CYB5RL: variants seen among roughly 807,000 people sequenced by gnomAD.
CYB5RL encodes the protein cytochrome b5 reductase like.
In CYB5RL, 38 loss-of-function variants were observed where a neutral mutation model predicts 37.5. The observed-to-expected ratio is 1.01, with a 90% CI of 0.78 to 1.33. The LOEUF (loss-of-function observed/expected upper bound fraction) is 1.33, where lower values mean the gene tolerates loss of function less well. Ranked by LOEUF, CYB5RL falls within the 40% of genes most tolerant of loss-of-function variation. The probability of loss-of-function intolerance (pLI) is 0.00; values close to 1 mark genes in which losing one functional copy is unlikely to be tolerated. For missense variants in CYB5RL, 388 were observed against 394.4 expected, an observed-to-expected ratio of 0.98 and a Z score of 0.14; for synonymous variants, 141 against 151.9, an observed-to-expected ratio of 0.93 and a Z score of 0.53.
rs1306478307 is a variant in CYB5RL, at chr1:54,190,735, T to C, written c.347+13A>G. 4 of 1,551,820 alleles carry C rather than the reference T, an allele frequency of 2.6e-6. No individual in the cohort carries two copies. The Admixed American group carries it at 7.8e-5, about 30-fold the overall frequency. Reference sequence around the variant, plus strand: ...GGCTGTGAAGCTTTGGTCCTCCCGCTACCTGAGTGTACCGTAGGATGAGGT... The same window carrying C: ...GGCTGTGAAGCTTTGGTCCTCCCGCCACCTGAGTGTACCGTAGGATGAGGT... On this transcript the variant is annotated intron_variant, in intron 4 of 7. Coordinates refer to ENST00000534324, the MANE Select transcript of CYB5RL (RefSeq NM_001031672.4).
At chr1:54,192,760 C>CA (rs1557724980) in intron 3 of CYB5RL, among the ~76,000 whole-genome samples, 1 of 142,896 alleles carries the variant, frequency 7.0e-6, no homozygotes, top group African/African-American at 2.6e-5. Flanking sequence ...CCCTGTGTTT[C>CA]TTTTTTTTTT....
At chr1:54,198,481 C>T (rs973759004) in intron 1 of CYB5RL, among the ~76,000 whole-genome samples, 5 of 151,566 alleles carry the variant, frequency 3.3e-5, no homozygotes, top group African/African-American at 7.3e-5. Context: ...TACAGGCGCC[C>T]GCCACCACGC....
chr1:54,190,970 A>C, intron 3 of CYB5RL, 74 bp from the exon 4 acceptor site: 1 of 1,539,724 alleles, frequency 6.5e-7, no homozygotes, highest in Non-Finnish European at 8.8e-7. Context: ...CATCCTTCCC[A>C]CTGTCCCCAA....
At position 54,174,621 on chromosome 1, in the gene CYB5RL, A is replaced by G; in HGVS notation, c.946T>C (p.Ter316GlnextTer40). The G allele has an allele frequency of 6.2e-7, 1 of 1,606,658 alleles. No individual in the cohort carries two copies. The highest frequency in any genetic ancestry group is 8.5e-7 in the Non-Finnish European group (1 of 1,176,910). The change falls in exon 8 of 8, where the codon TAG becomes CAG. Residue 316 changes from the stop codon to glutamine, a stop_lost. Transcript: ENST00000534324. ...GLTEDSYFLF[*>Q] is the part of the protein sequence containing the mutation. Reference sequence around the variant, plus strand: ...AGGCTTTGGAAGAGAGGCCAGGGCTAGAAGAGGAAATAGGAGTCCTCAGTG... The same window carrying G: ...AGGCTTTGGAAGAGAGGCCAGGGCTGGAAGAGGAAATAGGAGTCCTCAGTG...
At chr1:54,198,027 C>CA (rs575486117) in intron 1 of CYB5RL, among the ~76,000 whole-genome samples, 1,915 of 78,272 alleles carry the variant, frequency 0.024, 216 homozygotes, top group African/African-American at 0.03. Context: ...GACTCTGTCT[C>CA]AAAAAAAAAA....
chr1:54,179,257 A>T lies in CYB5RL; in HGVS notation c.636T>A (p.Phe212Leu). ...TCTTGAAGCAACCGACCAGAGTGACAAAAGTCTCGTCATTCTCATTGTCTG... is the reference window on the plus strand; with the variant it reads ...TCTTGAAGCAACCGACCAGAGTGACTAAAGTCTCGTCATTCTCATTGTCTG... ...SITDNENDET[F>L]VTLVGCFKTF... is the part of the protein sequence containing the mutation. The change falls in exon 7 of 8, where the codon TTT becomes TTA. Residue 212 changes from phenylalanine (F) to leucine (L), a missense_variant. By Grantham distance (22) the Phe-to-Leu change is conservative. Coordinates refer to ENST00000534324, the MANE Select transcript of CYB5RL (RefSeq NM_001031672.4). 1 of 1,613,870 alleles carries T rather than the reference A, an allele frequency of 6.2e-7. No homozygotes were observed. The highest frequency in any genetic ancestry group is 2.2e-5 in the East Asian group (1 of 44,872).
rs935714783 is a variant in CYB5RL, at chr1:54,179,147, A to T, written c.744+2T>A. On this transcript the variant is annotated splice_donor_variant, in intron 7 of 7. Transcript: ENST00000534324. LOFTEE classifies it high-confidence loss of function. ...AAAAGAAAGTCACCACCCTGGGCTCACCTGGCTGAGTACAAAGAAGGTACG... is the reference window on the plus strand; with the variant it reads ...AAAAGAAAGTCACCACCCTGGGCTCTCCTGGCTGAGTACAAAGAAGGTACG... 3 of 1,611,444 alleles carry T rather than the reference A, an allele frequency of 1.9e-6. No homozygotes were observed. In the African/African-American group the frequency reaches 4.0e-5, roughly 22 times the overall value.
rs149566305 is a variant in CYB5RL at position 54,197,905 on chromosome 1, G to A, written c.-222-1414C>T. 3.4e-3 allele frequency among the ~76,000 whole-genome samples: 517 copies of A among 151,752 alleles called. 5 individuals carry two copies. The highest frequency in any genetic ancestry group is 0.012 in the African/African-American group (478 of 41,350). ...TAGCCGGGCATGGTGGTGGGCACCC[G>A]TAGTCCCAGCTACTCGGGAGGCTGA... On this transcript the variant is annotated intron_variant, in intron 1 of 7. Coordinates refer to ENST00000534324, the MANE Select transcript of CYB5RL (RefSeq NM_001031672.4).
chr1:54,192,012 A>G (rs962494624), intron 3 of CYB5RL, among the ~76,000 whole-genome samples: 1 of 152,192 alleles, frequency 6.6e-6, no homozygotes, highest in African/African-American at 2.4e-5. Context: ...TAGGGTTACC[A>G]TGAGGGTCAG....
intron 6 of CYB5RL, 103 bp downstream of exon 6, chr1:54,184,058 G>A (rs1660232153): frequency 1.1e-6 from 1 of 901,402 alleles, no homozygotes; most frequent in Admixed American, 2.2e-5. Context: ...ACCTGGGATT[G>A]TGTTTGAGCT....
Position 54,171,709 on chromosome 1 carries a change from C to A in CYB5RL, c.*2910G>T, listed in dbSNP as rs1396233539. The A allele has an allele frequency of 8.9e-6, 3 of 335,386 alleles. No individual in the cohort carries two copies. The highest frequency in any genetic ancestry group is 1.8e-5 in the Non-Finnish European group (3 of 169,148). 20.8% of individuals were successfully genotyped at this position (335,386 alleles called of 1,614,324 possible). On this transcript the variant is annotated 3_prime_UTR_variant, in exon 8 of 8. Coordinates refer to ENST00000534324, the MANE Select transcript of CYB5RL (RefSeq NM_001031672.4). ...AGTCTCCCTTCTCCTACTACAACATCACACGGTGGCCACGCCTCCCACAAC... is the reference window on the plus strand; with the variant it reads ...AGTCTCCCTTCTCCTACTACAACATAACACGGTGGCCACGCCTCCCACAAC...
At chr1:54,183,518 G>A (rs2100466517) in intron 6 of CYB5RL, among the ~76,000 whole-genome samples, 1 of 152,334 alleles carries the variant, frequency 6.6e-6, no homozygotes, top group South Asian at 2.1e-4. Context: ...TAGGAAGCAG[G>A]AAGCCATGGG....
chr1:54,175,559 C>T (rs186913105), intron 7 of CYB5RL: 1 of 315,402 alleles, frequency 3.2e-6, no homozygotes, highest in East Asian at 8.0e-5. Flanking sequence ...TTTAAATGAA[C>T]ATTTTATTGG....
chr1:54,183,466 G>A (rs1660214318), intron 6 of CYB5RL, among the ~76,000 whole-genome samples: 1 of 152,158 alleles, frequency 6.6e-6, no homozygotes. Flanking sequence ...TCGGGGAAGG[G>A]TTTAAAAATG....
At position 54,172,631 on chromosome 1, in the gene CYB5RL, T is replaced by G. The variant is rs2100451912; in HGVS notation, c.*1988A>C. On this transcript the variant is annotated 3_prime_UTR_variant, in exon 8 of 8. Coordinates refer to ENST00000534324, the MANE Select transcript of CYB5RL (RefSeq NM_001031672.4). ...TTCATGACACCCATCACTTTTAGACTTACAGGTTGAATTGCTGCCTTCCTT... is the reference window on the plus strand; with the variant it reads ...TTCATGACACCCATCACTTTTAGACGTACAGGTTGAATTGCTGCCTTCCTT... 1 of 152,454 alleles carries G rather than the reference T, an allele frequency of 6.6e-6. No homozygotes were observed. Among genetic ancestry groups the G allele is most frequent in the South Asian group, 2.1e-4 (1 of 4,826 alleles). The allele number at this position is 152,454 out of a possible 1,614,324, so 9.4% of individuals were successfully genotyped here. A position where few individuals can be genotyped will look rare whatever the true frequency, so the allele number is the denominator to read the frequency against.
Position 54,175,560 on chromosome 1 carries a change from A to T in CYB5RL, c.745-738T>A, listed in dbSNP as rs2100455951. The T allele has an allele frequency of 4.1e-5, 13 of 320,690 alleles. 1 individual carries two copies. The highest frequency in any genetic ancestry group is 3.2e-4 in the South Asian group (13 of 40,822). 19.9% of individuals were successfully genotyped at this position (320,690 alleles called of 1,614,324 possible). A position where few individuals can be genotyped will look rare whatever the true frequency, so the allele number is the denominator to read the frequency against. ...ATTTCTTCTATTTTTTTAAATGAAC[A>T]TTTTATTGGAGTACAACATATGTGT... On this transcript the variant is annotated intron_variant, in intron 7 of 7. Transcript: ENST00000534324.
At chr1:54,182,309 CAT>C (rs1238426379) in intron 6 of CYB5RL, among the ~76,000 whole-genome samples, 4 of 152,200 alleles carry the variant, frequency 2.6e-5, no homozygotes, top group Non-Finnish European at 5.9e-5. Context: ...GCCTGGCACA[CAT>C]GAGGTGCTAC....
intron 4 of CYB5RL, among the ~76,000 whole-genome samples, chr1:54,188,605 A>G (rs1013829297): frequency 2.6e-5 from 4 of 152,218 alleles, no homozygotes; most frequent in Non-Finnish European, 5.9e-5. Flanking sequence ...TACATGTATC[A>G]AGCATTTCAT....
intron 5 of CYB5RL, chr1:54,186,324 G>A (rs1482072217): frequency 6.6e-6 from 1 of 152,070 alleles, no homozygotes; most frequent in Non-Finnish European, 1.5e-5. Context: ...TCTATAGGTT[G>A]GTTATGAGGT....
Sources: allele counts gnomAD v4.1 joint callset (sites outside exome capture counted in the v4.1 genomes callset), GRCh38; gene constraint gnomAD v4.1.1; transcripts MANE v1.5; gene names NCBI Gene and HGNC (gene_info 2026-07-23, HGNC 2026-07-21).